Variants in SERPINI1 observed in about 807,000 individuals in gnomAD.
The protein encoded by SERPINI1 is neuroserpin.
A neutral mutation model predicts 41.1 loss-of-function variants in SERPINI1; 19 were observed. That is an observed-to-expected ratio of 0.46 (90% CI 0.32 to 0.68). The LOEUF is 0.68. Ranked by LOEUF, SERPINI1 falls within the 30% of genes least tolerant of loss-of-function variation. The probability of loss-of-function intolerance (pLI) is 0.03; values close to 1 mark genes in which losing one functional copy is unlikely to be tolerated. For missense variants in SERPINI1, 460 were observed against 479.2 expected, an observed-to-expected ratio of 0.96 and a Z score of 0.37; for synonymous variants, 138 against 156.6, an observed-to-expected ratio of 0.88 and a Z score of 0.89.
chr3:167,808,400 A>C (rs373273376), intron 6 of SERPINI1, among the ~76,000 whole-genome samples: 1 of 152,064 alleles, frequency 6.6e-6, no homozygotes, highest in Non-Finnish European at 1.5e-5. Context: ...ACAAAAAGGC[A>C]ACAATGAACT....
intron 1 of SERPINI1, among the ~76,000 whole-genome samples, chr3:167,755,794 A>ATTTTTTTT (rs34182780): frequency 1.7e-5 from 2 of 119,222 alleles, no homozygotes; most frequent in Non-Finnish European, 1.7e-5. Flanking sequence ...GGTGTTGCTG[A>ATTTTTTTT]TTTTTTTTTT....
chr3:167,737,009 GT>G (rs893333220), intron 1 of SERPINI1, among the ~76,000 whole-genome samples: 2 of 150,180 alleles, frequency 1.3e-5, no homozygotes, highest in African/African-American at 2.4e-5. Flanking sequence ...AATACTTTAT[GT>G]TTTTTTTTAA....
Position 167,790,453 on chromosome 3 carries a change from C to A in SERPINI1, c.332C>A (p.Ser111Tyr). The part of the protein sequence containing the change: ...ESQYVMKIAN[S>Y]LFVQNGFHVN... ...CAATATGTGATGAAAATTGCCAATTCCTTGTTTGTGCAAAATGGATTTCAT... is the reference window on the plus strand; with the variant it reads ...CAATATGTGATGAAAATTGCCAATTACTTGTTTGTGCAAAATGGATTTCAT... The change falls in exon 3 of 9, where the codon TCC becomes TAC. Residue 111 changes from serine (S) to tyrosine (Y), a missense_variant. Physicochemically the swap from Ser to Tyr is moderately radical, Grantham distance 144. Transcript: ENST00000446050. The A allele has an allele frequency of 2.5e-6, 4 of 1,613,952 alleles. No homozygotes were observed. The highest frequency in any genetic ancestry group is 3.4e-6 in the Non-Finnish European group (4 of 1,179,910).
intron 5 of SERPINI1, among the ~76,000 whole-genome samples, chr3:167,798,858 G>A (rs1213357261): frequency 6.6e-6 from 1 of 152,082 alleles, no homozygotes; most frequent in Non-Finnish European, 1.5e-5. Context: ...ACGGAAAGGG[G>A]GCAAGGGTGG....
intron 1 of SERPINI1, among the ~76,000 whole-genome samples, chr3:167,776,449 C>T (rs935358844): frequency 2.6e-5 from 4 of 152,172 alleles, no homozygotes; most frequent in African/African-American, 9.7e-5. Context: ...TAACCAAAAG[C>T]CTTTCGAATT....
intron 1 of SERPINI1, among the ~76,000 whole-genome samples, chr3:167,742,889 C>A (rs534322309): frequency 4.1e-4 from 62 of 150,216 alleles, no homozygotes; most frequent in African/African-American, 1.5e-3. Flanking sequence ...CCTTCCCATA[C>A]CAAGTGTTCA....
intron 1 of SERPINI1, among the ~76,000 whole-genome samples, chr3:167,743,469 C>G (rs1337670448): frequency 6.6e-6 from 1 of 152,068 alleles, no homozygotes; most frequent in Non-Finnish European, 1.5e-5. Flanking sequence ...CTCTCATAAT[C>G]AAAGATACTG....
chr3:167,747,804 G>T (rs1190047257), intron 1 of SERPINI1, among the ~76,000 whole-genome samples: 1 of 152,074 alleles, frequency 6.6e-6, no homozygotes, highest in Non-Finnish European at 1.5e-5. Context: ...GAGGAACCCA[G>T]ACTAGCAGAT....
intron 1 of SERPINI1, among the ~76,000 whole-genome samples, chr3:167,788,511 C>G (rs987606584): frequency 6.6e-6 from 1 of 152,082 alleles, no homozygotes; most frequent in Admixed American, 6.5e-5. Flanking sequence ...GAGCAGCAAC[C>G]TCCTAGGAAC....
intron 1 of SERPINI1, among the ~76,000 whole-genome samples, chr3:167,759,675 A>T (rs1014604359): frequency 6.6e-6 from 1 of 152,042 alleles, no homozygotes; most frequent in Non-Finnish European, 1.5e-5. Flanking sequence ...GTTGGATACA[A>T]TGTTCACTAT....
intron 1 of SERPINI1, among the ~76,000 whole-genome samples, chr3:167,766,167 G>A (rs1230808270): frequency 2.7e-5 from 4 of 146,784 alleles, no homozygotes; most frequent in African/African-American, 1.0e-4. Context: ...CCAATTTACT[G>A]TATTAGTTCA....
Position 167,792,683 on chromosome 3 carries a change from C to T in SERPINI1, c.575C>T (p.Ser192Leu), listed in dbSNP as rs777452195. The change falls in exon 4 of 9, where the codon TCG (serine) becomes TTG (leucine). Residue 192 changes from serine (S) to leucine (L), a missense_variant. Physicochemically the swap from Ser to Leu is moderately radical, Grantham distance 145. Coordinates refer to ENST00000446050, the MANE Select transcript of SERPINI1 (RefSeq NM_001122752.2). ...GTCTATTTCAAGGGGAACTGGAAGT[C>T]GCAGTTTAGGCCTGAAAATACTAGA... ...NAVYFKGNWK[S>L]QFRPENTRTF... is the part of the protein sequence containing the mutation. 13 of 1,613,594 alleles carry T rather than the reference C, an allele frequency of 8.1e-6. No homozygotes were observed. Among genetic ancestry groups the T allele is most frequent in the East Asian group, 6.7e-5 (3 of 44,854 alleles).
chr3:167,809,824 A>G (rs74668817), intron 6 of SERPINI1, among the ~76,000 whole-genome samples: 3,281 of 152,256 alleles, frequency 0.022, 107 homozygotes, highest in African/African-American at 0.071. Flanking sequence ...CCCACATTAC[A>G]TACAGTCTAA....
chr3:167,781,774 T>TA (rs1167828247), intron 1 of SERPINI1, among the ~76,000 whole-genome samples: 1 of 151,636 alleles, frequency 6.6e-6, no homozygotes, highest in African/African-American at 2.4e-5. Flanking sequence ...AATTGGGTTA[T>TA]AAAAAAGATG....
intron 6 of SERPINI1, among the ~76,000 whole-genome samples, chr3:167,815,358 C>T (rs1009196465): frequency 2.6e-5 from 4 of 151,796 alleles, no homozygotes; most frequent in Non-Finnish European, 4.4e-5. Flanking sequence ...CCCCTTAGTA[C>T]CTGTGATGTG....
chr3:167,738,586 G>T (rs955116871), intron 1 of SERPINI1, among the ~76,000 whole-genome samples: 1 of 151,750 alleles, frequency 6.6e-6, no homozygotes, highest in African/African-American at 2.4e-5. Context: ...ATGATTCCAT[G>T]ACCTTTTCTC....
At chr3:167,771,520 G>A (rs1726747411) in intron 1 of SERPINI1, among the ~76,000 whole-genome samples, 1 of 152,124 alleles carries the variant, frequency 6.6e-6, no homozygotes, top group South Asian at 2.1e-4. Context: ...TTTCACTGAG[G>A]GAAACTGGCT....
intron 5 of SERPINI1, among the ~76,000 whole-genome samples, chr3:167,804,272 A>G (rs1339453694): frequency 2.0e-5 from 3 of 152,190 alleles, no homozygotes; most frequent in Admixed American, 6.6e-5. Context: ...GAACCTGCTA[A>G]GACTATTTTC....
chr3:167,824,380 G>T, intron 7 of SERPINI1, 93 bp from the exon 8 acceptor site: 1 of 890,802 alleles, frequency 1.1e-6, no homozygotes. Flanking sequence ...TGTTGTCTTT[G>T]CATTAGGTGG....
Sources: allele counts gnomAD v4.1 joint callset (sites outside exome capture counted in the v4.1 genomes callset), GRCh38; gene constraint gnomAD v4.1.1; transcripts MANE v1.5; gene names NCBI Gene and HGNC (gene_info 2026-07-23, HGNC 2026-07-21).